The following UGP2 variants were observed in gnomAD, a reference collection of about 807,000 sequenced individuals.
UGP2 encodes UTP--glucose-1-phosphate uridylyltransferase.
A neutral mutation model predicts 49.0 loss-of-function variants in UGP2; 40 were observed. That is an observed-to-expected ratio of 0.82 (90% CI 0.63 to 1.06). UGP2 has a LOEUF of 1.06. Among genes scored for constraint, UGP2 ranks in the 50% least tolerant of loss-of-function variants. The pLI, the probability that UGP2 is intolerant of heterozygous loss-of-function variation, is 0.00. For synonymous variants in UGP2, 225 were observed against 213.0 expected (o/e 1.06, Z -0.49); for missense variants, 460 against 603.5 (o/e 0.76, Z 2.49).
rs1408705333 is a variant in UGP2 at position 63,882,493 on chromosome 2, A to G, written c.283A>G (p.Arg95Gly). Residue 95 changes from arginine (R) to glycine (G), a missense_variant, in exon 4 of 10, where the codon AGG (arginine) becomes GGG (glycine). Arg to Gly is a moderately radical substitution (Grantham distance 125). Transcript: ENST00000337130. ...SIQPYEKIKA[R>G]GLPDNISSVL... ...TCAACCCTATGAAAAGATAAAGGCCAGGGGCTTGCCTGATAATATATCTTC... is the reference window on the plus strand; with the variant it reads ...TCAACCCTATGAAAAGATAAAGGCCGGGGGCTTGCCTGATAATATATCTTC... 1.2e-6 allele frequency: 2 copies of G among 1,603,502 alleles called. No homozygotes were observed. The highest frequency in any genetic ancestry group is 1.3e-5 in the African/African-American group (1 of 74,836).
chr2:63,887,849 G>C lies in UGP2; in HGVS notation c.1314+205G>C, dbSNP rs1006872144. On this transcript the variant is annotated intron_variant, in intron 8 of 9. Coordinates refer to ENST00000337130, the MANE Select transcript of UGP2 (RefSeq NM_006759.4). ...AAACATGATTGCCATATGGAGAGTA[G>C]AAAATAATCTTTAAATTTTGGGGCA... 67 of 675,500 alleles carry C rather than the reference G, an allele frequency of 9.9e-5. 1 individual carries two copies. The highest frequency in any genetic ancestry group is 9.6e-4 in the African/African-American group (53 of 55,258). The allele number at this position is 675,500 out of a possible 1,614,324, so 41.8% of individuals were successfully genotyped here. A position where few individuals can be genotyped will look rare whatever the true frequency, so the allele number is the denominator to read the frequency against.
In UGP2 at chr2:63,850,778, G is replaced by A; in HGVS notation, c.20-5528G>A. On this transcript the variant is annotated intron_variant, in intron 1 of 9. Transcript: ENST00000337130. ...ATACTTATCTTAACTCTGCCTTTCT[G>A]TGACCAGACATCATGGCTCTTGTAC... Among the ~76,000 whole-genome samples the A allele has an allele frequency of 1.3e-5, 2 of 152,096 alleles. 1 individual carries two copies. Among genetic ancestry groups the A allele is most frequent in the East Asian group, 3.9e-4 (2 of 5,194 alleles).
At chr2:63,877,497 G>A (rs558346258) in intron 3 of UGP2, among the ~76,000 whole-genome samples, 4 of 152,238 alleles carry the variant, frequency 2.6e-5, no homozygotes, top group Non-Finnish European at 4.4e-5. Flanking sequence ...TTTTGTGTGC[G>A]TTTTCAAAAA....
Position 63,842,140 on chromosome 2 carries a change from C to G in UGP2, c.-46C>G. On this transcript the variant is annotated 5_prime_UTR_variant, in exon 1 of 10. Transcript: ENST00000337130. ...AGACCTGCCCTGTAGCGTGACTCCT[C>G]TAGAAAAAAAAAAAAAAAGCCGGAG... 1 of 1,548,678 alleles carries G rather than the reference C, an allele frequency of 6.5e-7. No homozygotes were observed. Among genetic ancestry groups the G allele is most frequent in the Non-Finnish European group, 8.7e-7 (1 of 1,151,584 alleles).
At chr2:63,865,566 TCTCA>T (rs1369254286) in intron 3 of UGP2, among the ~76,000 whole-genome samples, 1 of 141,510 alleles carries the variant, frequency 7.1e-6, no homozygotes, top group Non-Finnish European at 1.5e-5. Flanking sequence ...AGAGACAGGG[TCTCA>T]CTCTGTTGCC....
At chr2:63,844,702 C>G (rs1402405968) in intron 1 of UGP2, among the ~76,000 whole-genome samples, 1 of 152,200 alleles carries the variant, frequency 6.6e-6, no homozygotes, top group Non-Finnish European at 1.5e-5. Flanking sequence ...GCTGGGACTA[C>G]AGGTGCACAC....
chr2:63,844,135 A>C (rs772079380), intron 1 of UGP2, among the ~76,000 whole-genome samples: 1 of 152,250 alleles, frequency 6.6e-6, no homozygotes, highest in Non-Finnish European at 1.5e-5. Context: ...ACACCTCCTC[A>C]AAATTTTTTG....
chr2:63,884,774 G>C (rs1396583995), intron 5 of UGP2, among the ~76,000 whole-genome samples: 7 of 151,890 alleles, frequency 4.6e-5, no homozygotes, highest in Admixed American at 4.6e-4. Flanking sequence ...ATTAGCATTG[G>C]TGGTGTGCCC....
At chr2:63,888,529 A>C (rs768118087) in intron 8 of UGP2, 1 of 152,232 alleles carries the variant, frequency 6.6e-6, no homozygotes, top group East Asian at 1.9e-4. Context: ...ATTCCAGTTC[A>C]GGTTCACTGG....
At chr2:63,862,884 G>A in intron 3 of UGP2, 1 of 456,186 alleles carries the variant, frequency 2.2e-6, no homozygotes, top group Non-Finnish European at 4.4e-6. Context: ...TTAGTAAAGA[G>A]TCCTTTACTA....
rs928929506 is a variant in UGP2, at chr2:63,864,560, G to A, written c.255+6624G>A. On this transcript the variant is annotated intron_variant, in intron 3 of 9. Transcript: ENST00000337130. ...CCTTTTTTTCATAATGCAAGACACAGTGGGGGCTGAGAGGGATTGAGTTAT... is the reference window on the plus strand; with the variant it reads ...CCTTTTTTTCATAATGCAAGACACAATGGGGGCTGAGAGGGATTGAGTTAT... 2.6e-5 allele frequency among the ~76,000 whole-genome samples: 4 copies of A among 152,188 alleles called. No individual in the cohort carries two copies. In the South Asian group the frequency reaches 6.2e-4, roughly 24 times the overall value.
chr2:63,857,174 G>A (rs533846306), intron 2 of UGP2, among the ~76,000 whole-genome samples: 4 of 151,834 alleles, frequency 2.6e-5, no homozygotes, highest in South Asian at 2.1e-4. Flanking sequence ...GGTGGTATGC[G>A]CCTGTGGTCC....
At chr2:63,872,857 C>T (rs1670651067) in intron 3 of UGP2, among the ~76,000 whole-genome samples, 1 of 151,732 alleles carries the variant, frequency 6.6e-6, no homozygotes, top group South Asian at 2.1e-4. Context: ...CATGTCTAAG[C>T]CAAGCAAAAC....
intron 2 of UGP2, 38 bp downstream of exon 2, chr2:63,856,471 T>A: frequency 7.7e-7 from 1 of 1,294,580 alleles, no homozygotes; most frequent in Non-Finnish European, 1.0e-6. Context: ...CCCCCGCCCC[T>A]CCCTTCATCT....
chr2:63,859,181 G>C (rs1433421533), intron 3 of UGP2: 1 of 151,770 alleles, frequency 6.6e-6, no homozygotes, highest in Non-Finnish European at 1.5e-5. Context: ...TTTTTGTAGA[G>C]ATGGGGTTTC....
chr2:63,854,665 C>G (rs1361537928), intron 1 of UGP2, among the ~76,000 whole-genome samples: 1 of 152,208 alleles, frequency 6.6e-6, no homozygotes, highest in African/African-American at 2.4e-5. Context: ...GTTACAAGCC[C>G]TTCCTGATTC....
intron 3 of UGP2, among the ~76,000 whole-genome samples, chr2:63,881,139 CAT>C (rs1671279217): frequency 6.6e-6 from 1 of 152,154 alleles, no homozygotes; most frequent in Non-Finnish European, 1.5e-5. Flanking sequence ...TGGCAGTTAA[CAT>C]AGTATATTGC....
intron 1 of UGP2, among the ~76,000 whole-genome samples, chr2:63,852,196 A>G (rs946154185): frequency 1.3e-5 from 2 of 152,240 alleles, no homozygotes; most frequent in African/African-American, 4.8e-5. Context: ...AGGATGAAGA[A>G]TATGGCTGTT....
intron 1 of UGP2, chr2:63,855,303 CTAGT>C (rs1453852937): frequency 2.8e-6 from 1 of 351,088 alleles, no homozygotes; most frequent in Non-Finnish European, 5.6e-6. Context: ...GTAAAAATAA[CTAGT>C]TATCAAACTA....
Sources: allele counts gnomAD v4.1 joint callset (sites outside exome capture counted in the v4.1 genomes callset), GRCh38; gene constraint gnomAD v4.1.1; transcripts MANE v1.5; gene names NCBI Gene and HGNC (gene_info 2026-07-23, HGNC 2026-07-21).